Variants in EEF1AKMT1 observed in about 807,000 individuals in gnomAD.
The protein encoded by EEF1AKMT1 is N-6 adenine-specific DNA methyltransferase 2 (putative).
In EEF1AKMT1, 18 loss-of-function variants were observed where a neutral mutation model predicts 21.0. The ratio of observed to expected loss-of-function variants is 0.86; its 90% CI spans 0.59 to 1.27. The LOEUF is 1.27. Ranked by LOEUF, EEF1AKMT1 falls within the 50% of genes most tolerant of loss-of-function variation. The pLI, the probability that EEF1AKMT1 is intolerant of heterozygous loss-of-function variation, is 0.00. For synonymous variants in EEF1AKMT1, 109 were observed against 94.8 expected, an observed-to-expected ratio of 1.15 and a Z score of -0.87; for missense variants, 246 against 258.6, an observed-to-expected ratio of 0.95 and a Z score of 0.33.
intron 1 of EEF1AKMT1, 59 bp from the exon 2 acceptor site, chr13:20,757,676 T>G: frequency 7.2e-7 from 1 of 1,386,398 alleles, no homozygotes; most frequent in Non-Finnish European, 9.7e-7. Flanking sequence ...CAGCCAGTAA[T>G]AATTTTTAAA....
At chr13:20,758,566 A>G (rs2058982852) in intron 1 of EEF1AKMT1, among the ~76,000 whole-genome samples, 2 of 152,160 alleles carry the variant, frequency 1.3e-5, no homozygotes, top group Admixed American at 1.3e-4. Context: ...AGTATGAAAA[A>G]CAGATGGTCG....
chr13:20,752,830 G>GT (rs545848845), intron 2 of EEF1AKMT1, among the ~76,000 whole-genome samples: 296 of 149,732 alleles, frequency 2.0e-3, no homozygotes, highest in Middle Eastern at 3.5e-3. Flanking sequence ...TTTGTCTTTT[G>GT]TTTTTTTTTC....
intron 1 of EEF1AKMT1, among the ~76,000 whole-genome samples, chr13:20,758,583 G>A (rs2058982990): frequency 6.6e-6 from 1 of 151,934 alleles, no homozygotes; most frequent in African/African-American, 2.4e-5. Context: ...GTCGACATAA[G>A]AGTAGATCAT....
At chr13:20,745,579 G>A (rs35605758) in intron 2 of EEF1AKMT1, among the ~76,000 whole-genome samples, 6,343 of 152,204 alleles carry the variant, frequency 0.042, 310 homozygotes, top group African/African-American at 0.11. Context: ...GGCCAGGCAC[G>A]GTGGCTTACG....
chr13:20,733,196 A>G (rs1332593905), intron 3 of EEF1AKMT1, among the ~76,000 whole-genome samples: 3 of 150,876 alleles, frequency 2.0e-5, no homozygotes, highest in Non-Finnish European at 4.4e-5. Flanking sequence ...TCCGGGTTCA[A>G]GCGATTCTCC....
At chr13:20,759,496 C>T (rs575405897) in intron 1 of EEF1AKMT1, among the ~76,000 whole-genome samples, 1 of 151,970 alleles carries the variant, frequency 6.6e-6, no homozygotes, top group East Asian at 1.9e-4. Context: ...AGGAGAATGG[C>T]GTGAACCTGG....
intron 1 of EEF1AKMT1, among the ~76,000 whole-genome samples, chr13:20,765,208 C>T (rs987768048): frequency 6.6e-5 from 10 of 151,856 alleles, no homozygotes; most frequent in African/African-American, 1.4e-4. Flanking sequence ...TTACAGTGAG[C>T]GAGATCGTGC....
chr13:20,739,355 C>G (rs977432521), intron 2 of EEF1AKMT1, among the ~76,000 whole-genome samples: 5 of 152,290 alleles, frequency 3.3e-5, no homozygotes, highest in African/African-American at 9.6e-5. Flanking sequence ...AGGGTTGCCG[C>G]CGCTAAGCAG....
intron 1 of EEF1AKMT1, among the ~76,000 whole-genome samples, chr13:20,760,745 C>T (rs1245256536): frequency 1.3e-5 from 2 of 151,694 alleles, no homozygotes; most frequent in South Asian, 4.2e-4. Context: ...AAAGAATACA[C>T]AGATAAAACA....
chr13:20,732,010 C>T lies in EEF1AKMT1; in HGVS notation c.339G>A (p.Glu113=), dbSNP rs1432957896. The change falls in exon 4 of 5, where the codon GAG becomes GAA. Residue 113 remains glutamate (E), a synonymous_variant. Coordinates refer to ENST00000382758, the MANE Select transcript of EEF1AKMT1 (RefSeq NM_001318939.2). ...TATTGTAATCATAGAAAATAAACTCCTCTCCATACATGGCAAATCTTTTGT... is the reference window on the plus strand; with the variant it reads ...TATTGTAATCATAGAAAATAAACTCTTCTCCATACATGGCAAATCTTTTGT... ...EYDKRFAMYG[E]EFIFYDYNNP... 6.2e-7 allele frequency: 1 copy of T among 1,614,180 alleles called. No homozygotes were observed. The highest frequency in any genetic ancestry group is 1.1e-5 in the South Asian group (1 of 91,080).
At position 20,739,984 on chromosome 13, in the gene EEF1AKMT1, G is replaced by A. The variant is rs557375102; in HGVS notation, c.145-2179C>T. Among the ~76,000 whole-genome samples, 25 of 152,346 alleles carry A rather than the reference G, an allele frequency of 1.6e-4. No individual in the cohort carries two copies. The South Asian group carries it at 3.5e-3, about 21-fold the overall frequency. The stretch of plus-strand genomic sequence containing the variant: ...CGACTGGGCCCCGCAGAGAAGGGGC[G>A]GCACCCGTCAGGGAGGCTCAGGCTG... On this transcript the variant is annotated intron_variant, in intron 2 of 4. Transcript: ENST00000382758.
intron 2 of EEF1AKMT1, chr13:20,746,926 T>C (rs1202043158): frequency 6.6e-6 from 1 of 152,368 alleles, no homozygotes; most frequent in Admixed American, 6.5e-5. Flanking sequence ...AAGGTATTTT[T>C]AAAATGGTGA....
intron 1 of EEF1AKMT1, among the ~76,000 whole-genome samples, chr13:20,765,688 G>T (rs903174580): frequency 3.9e-5 from 6 of 152,096 alleles, no homozygotes; most frequent in South Asian, 2.1e-4. Flanking sequence ...TGGGATTACA[G>T]GCATGAGCCA....
intron 2 of EEF1AKMT1, among the ~76,000 whole-genome samples, chr13:20,738,353 A>C (rs929899480): frequency 2.6e-5 from 4 of 152,280 alleles, no homozygotes; most frequent in Non-Finnish European, 5.9e-5. Context: ...CTTCTGCTTC[A>C]TGCTGATTGG....
chr13:20,739,351 G>T (rs1356880049), intron 2 of EEF1AKMT1, among the ~76,000 whole-genome samples: 2 of 152,202 alleles, frequency 1.3e-5, no homozygotes, highest in African/African-American at 4.8e-5. Flanking sequence ...CAAGAGGGTT[G>T]CCGCCGCTAA....
At chr13:20,773,804 C>T (rs990316562) in intron 1 of EEF1AKMT1, 117 bp downstream of exon 1, 2 of 152,858 alleles carry the variant, frequency 1.3e-5, no homozygotes, top group African/African-American at 4.8e-5. Context: ...AACTCTTCCA[C>T]CACTACCACC....
chr13:20,748,397 T>C (rs1379737725), intron 2 of EEF1AKMT1, among the ~76,000 whole-genome samples: 2 of 149,774 alleles, frequency 1.3e-5, no homozygotes, highest in Non-Finnish European at 1.5e-5. Context: ...ATCGCGCCAC[T>C]GCACTCCAAC....
chr13:20,728,980 T>A lies in EEF1AKMT1; in HGVS notation c.*100A>T. ...AAACCAGGCCAGGGACAGCTCCAGT[T>A]TGGGGGGAGGGGAAGAGATTATAAC... On this transcript the variant is annotated 3_prime_UTR_variant, in exon 5 of 5. Transcript: ENST00000382758. 6.8e-7 allele frequency: 1 copy of A among 1,470,810 alleles called. No individual in the cohort carries two copies. Among genetic ancestry groups the A allele is most frequent in the East Asian group, 2.3e-5 (1 of 43,796 alleles). 91.1% of individuals were successfully genotyped at this position (1,470,810 alleles called of 1,614,324 possible). A position where few individuals can be genotyped will look rare whatever the true frequency, so the allele number is the denominator to read the frequency against.
rs145282282 is a variant in EEF1AKMT1 at position 20,772,602 on chromosome 13, T to C, written c.-20+1319A>G. Among the ~76,000 whole-genome samples the C allele has an allele frequency of 1.8e-3, 275 of 152,224 alleles. 1 individual carries two copies. The highest frequency in any genetic ancestry group is 3.2e-3 in the Non-Finnish European group (221 of 68,002). ...GAGGCCCTCTATAGAGAAGCACCAT[T>C]CACGCCATGGGATCAGAGTGGAGGG... On this transcript the variant is annotated intron_variant, in intron 1 of 4. Transcript: ENST00000382758.
Sources: gnomAD v4.1 joint callset for allele counts (sites outside exome capture counted in the v4.1 genomes callset) on GRCh38, gnomAD v4.1.1 for gene constraint, MANE v1.5 for transcripts, NCBI Gene and HGNC (gene_info 2026-07-23, HGNC 2026-07-21) for gene names.